Variants in MYCBP2 observed in about 807,000 individuals in gnomAD.
The protein encoded by MYCBP2 is MYC binding protein 2, also known as E3 ubiquitin-protein ligase MYCBP2.
A neutral mutation model predicts 525.3 loss-of-function variants in MYCBP2; 120 were observed. The ratio of observed to expected loss-of-function variants is 0.23; its 90% CI spans 0.20 to 0.27. MYCBP2 has a LOEUF of 0.27. Ranked by LOEUF, MYCBP2 falls within the 10% of genes least tolerant of loss-of-function variation. The pLI is 1.00. For synonymous variants in MYCBP2, 1,894 were observed against 1,955.8 expected, an observed-to-expected ratio of 0.97 and a Z score of 0.83; for missense variants, 4,149 against 5,657.1, an observed-to-expected ratio of 0.73 and a Z score of 8.55.
intron 17 of MYCBP2, among the ~76,000 whole-genome samples, chr13:77,241,282 GAGA>G (rs1446411557): frequency 6.6e-6 from 1 of 152,104 alleles, no homozygotes; most frequent in East Asian, 1.9e-4. Context: ...ACTATACCTA[GAGA>G]AGAATAGCTT....
At chr13:77,300,879 G>A (rs942714662) in intron 1 of MYCBP2, among the ~76,000 whole-genome samples, 3 of 152,188 alleles carry the variant, frequency 2.0e-5, no homozygotes, top group Non-Finnish European at 4.4e-5. Flanking sequence ...CACTTCCAAG[G>A]CAGCTGAGAC....
At position 77,098,812 on chromosome 13, in the gene MYCBP2, G is replaced by A; in HGVS notation, c.8342C>T (p.Ser2781Leu). ...ILKSDAAKLRSDSHSRSLSPN... is the reference protein window; with the variant it reads ...ILKSDAAKLRLDSHSRSLSPN... ...GGATAATGACCTACTGTGGGAATCT[G>A]ACCTCAACTTTGCAGCATCAGATTT... is the stretch of plus-strand genomic sequence containing the variant. The change falls in exon 56 of 83, where the codon TCA (serine) becomes TTA (leucine). Residue 2781 changes from serine (S) to leucine (L), a missense_variant. This residue lies in a region of MYCBP2 where 653 missense variants were observed against 744.7 expected (regional missense o/e 0.88). Transcript: ENST00000544440. The A allele has an allele frequency of 1.2e-6, 2 of 1,613,578 alleles. No homozygotes were observed. Among genetic ancestry groups the A allele is most frequent in the Non-Finnish European group, 1.7e-6 (2 of 1,179,744 alleles).
chr13:77,175,010 C>A (rs2059558498), intron 36 of MYCBP2, among the ~76,000 whole-genome samples: 1 of 126,542 alleles, frequency 7.9e-6, no homozygotes, highest in African/African-American at 3.0e-5. Flanking sequence ...GCCTGGAGTG[C>A]AGTGGTGCAA....
rs1344827349 is a variant in MYCBP2, at chr13:77,326,446, C to T, written c.302+28G>A. 1 of 1,521,080 alleles carries T rather than the reference C, an allele frequency of 6.6e-7. No individual in the cohort carries two copies. Among genetic ancestry groups the T allele is most frequent in the Non-Finnish European group, 8.8e-7 (1 of 1,139,952 alleles). The allele number at this position is 1,521,080 out of a possible 1,614,324, so 94.2% of individuals were successfully genotyped here. A position where few individuals can be genotyped will look rare whatever the true frequency, so the allele number is the denominator to read the frequency against. On this transcript the variant is annotated intron_variant, in intron 1 of 82. Transcript: ENST00000544440. The surrounding 1 kb of genome is among the most constrained non-coding windows in gnomAD (Gnocchi z 4.2). ...GGGCGCAAGGAAGGGCGGCATGGGG[C>T]GCAAGGAAGGGCACCCTGGGGACGC...
At position 77,105,921 on chromosome 13, in the gene MYCBP2, T is replaced by C. The variant is rs1337299415; in HGVS notation, c.8141-6908A>G. On this transcript the variant is annotated intron_variant, in intron 55 of 82. Transcript: ENST00000544440. ...TTTGGATCCCAAGTATTAAATTCCC[T>C]GAGTCATATCATTTCCTAGTCACAG... 3.3e-5 allele frequency among the ~76,000 whole-genome samples: 5 copies of C among 152,212 alleles called. No individual in the cohort carries two copies. The East Asian group carries it at 9.6e-4, about 29-fold the overall frequency.
chr13:77,165,445 TC>T, intron 41 of MYCBP2, 54 bp from the exon 42 acceptor site: 1 of 1,315,036 alleles, frequency 7.6e-7, no homozygotes, highest in Non-Finnish European at 1.1e-6. Context: ...TATAAAAATT[TC>T]CCTGTCTTTT....
intron 1 of MYCBP2, among the ~76,000 whole-genome samples, chr13:77,302,175 G>A (rs1342948034): frequency 6.6e-6 from 1 of 152,028 alleles, no homozygotes; most frequent in Non-Finnish European, 1.5e-5. Context: ...CAAAAGTGAA[G>A]AAAGAAATCA....
intron 18 of MYCBP2, among the ~76,000 whole-genome samples, chr13:77,228,733 C>A (rs995182310): frequency 3.5e-5 from 5 of 143,502 alleles, no homozygotes; most frequent in Admixed American, 7.0e-5. Context: ...GTGTGTATAC[C>A]ATGTAACACT....
At chr13:77,200,893 T>C (rs1467585792) in intron 26 of MYCBP2, among the ~76,000 whole-genome samples, 238 of 151,542 alleles carry the variant, frequency 1.6e-3, no homozygotes, top group African/African-American at 5.3e-3. Context: ...CTGAAGGAAG[T>C]GCTAAACATG....
At chr13:77,142,213 C>T (rs1005094648) in intron 49 of MYCBP2, among the ~76,000 whole-genome samples, 2 of 152,136 alleles carry the variant, frequency 1.3e-5, no homozygotes, top group Non-Finnish European at 2.9e-5. Flanking sequence ...TGTGTCACTA[C>T]TTATATTCTA....
chr13:77,125,001 G>A (rs1485912331), intron 54 of MYCBP2, among the ~76,000 whole-genome samples: 1 of 152,114 alleles, frequency 6.6e-6, no homozygotes, highest in Non-Finnish European at 1.5e-5. Flanking sequence ...GAATACCGAA[G>A]TTTCATTTTA....
At chr13:77,072,682 A>G (rs1429805892) in intron 68 of MYCBP2, among the ~76,000 whole-genome samples, 1 of 152,208 alleles carries the variant, frequency 6.6e-6, no homozygotes, top group Non-Finnish European at 1.5e-5. Context: ...CAAATCACCA[A>G]GACACATCAC....
intron 1 of MYCBP2, among the ~76,000 whole-genome samples, chr13:77,302,623 T>C (rs1048292453): frequency 1.2e-4 from 19 of 152,182 alleles, no homozygotes; most frequent in African/African-American, 3.6e-4. Flanking sequence ...AAGAGACCAA[T>C]ATTACAAGAA....
intron 24 of MYCBP2, among the ~76,000 whole-genome samples, chr13:77,206,187 T>C (rs1400507803): frequency 6.6e-6 from 1 of 151,752 alleles, no homozygotes; most frequent in Non-Finnish European, 1.5e-5. Flanking sequence ...GCACTACATC[T>C]CAAAGTAATT....
intron 13 of MYCBP2, among the ~76,000 whole-genome samples, chr13:77,259,492 G>C (rs2072869291): frequency 6.6e-6 from 1 of 152,104 alleles, no homozygotes; most frequent in Non-Finnish European, 1.5e-5. Context: ...ATGTTAGCAA[G>C]CAACAATTAT....
chr13:77,186,719 T>A (rs367975301), intron 30 of MYCBP2, among the ~76,000 whole-genome samples: 1 of 151,902 alleles, frequency 6.6e-6, no homozygotes, highest in African/African-American at 2.4e-5. Context: ...TGACAACAGA[T>A]ACCACCTGAA....
At chr13:77,171,701 C>A in intron 37 of MYCBP2, 67 bp from the exon 38 acceptor site, 1 of 1,462,278 alleles carries the variant, frequency 6.8e-7, no homozygotes. Context: ...TGCCAGAAAT[C>A]ATATCTAGAT....
intron 76 of MYCBP2, among the ~76,000 whole-genome samples, chr13:77,060,051 A>G (rs943929251): frequency 1.3e-5 from 2 of 152,212 alleles, no homozygotes; most frequent in African/African-American, 4.8e-5. Context: ...AAAGCCTATC[A>G]TCAGAGTATG....
At chr13:77,304,136 C>T (rs2079117069) in intron 1 of MYCBP2, among the ~76,000 whole-genome samples, 1 of 151,886 alleles carries the variant, frequency 6.6e-6, no homozygotes, top group Non-Finnish European at 1.5e-5. Context: ...GGTGTATATC[C>T]AAAGGAAAAA....
Sources: allele counts gnomAD v4.1 joint callset (sites outside exome capture counted in the v4.1 genomes callset), GRCh38; gene constraint gnomAD v4.1.1; regional missense constraint gnomAD v4.1.1; non-coding constraint Gnocchi (gnomAD v3.1); transcripts MANE v1.5; gene names NCBI Gene and HGNC (gene_info 2026-07-23, HGNC 2026-07-21).